Variants in VPS51 observed in about 807,000 individuals in gnomAD.
VPS51 encodes VPS51 subunit of GARP complex, also known as vacuolar protein sorting-associated protein 51 homolog.
A neutral mutation model predicts 65.1 loss-of-function variants in VPS51; 55 were observed. That is an observed-to-expected ratio of 0.84 (90% CI 0.68 to 1.06). The LOEUF (loss-of-function observed/expected upper bound fraction) is 1.06, where lower values mean the gene tolerates loss of function less well. Among genes scored for constraint, VPS51 ranks in the 50% least tolerant of loss-of-function variants. The probability of loss-of-function intolerance (pLI) is 0.00; values close to 1 mark genes in which losing one functional copy is unlikely to be tolerated. For synonymous variants in VPS51, 473 were observed against 489.5 expected (o/e 0.97, Z 0.44); for missense variants, 943 against 1,101.6 (o/e 0.86, Z 2.04).
In VPS51 at chr11:65,101,287, T is replaced by C. The variant is rs75479085; in HGVS notation, c.358+4160T>C. ...CCCAATTAAAAAGAAAACCAGGCAT[T>C]GAGCCAGATTTGGCCTGCAGGCTGT... On this transcript the variant is annotated intron_variant, in intron 2 of 9. Coordinates refer to ENST00000279281, the MANE Select transcript of VPS51 (RefSeq NM_013265.4). Among the ~76,000 whole-genome samples, 1,289 of 152,346 alleles carry C rather than the reference T, an allele frequency of 8.5e-3. 17 individuals are homozygous for C. Among genetic ancestry groups the C allele is most frequent in the African/African-American group, 0.03 (1,239 of 41,576 alleles).
Position 65,108,828 on chromosome 11 carries a change from A to G in VPS51, c.1357A>G (p.Ile453Val). ...GTTGCTGGCCAATGTGGCCAGCTCC[A>G]TCCTGAGCCACATTAAGGCCTCTCT... ...AELLANVASS[I>V]LSHIKASLAA... Residue 453 changes from isoleucine (I) to valine (V), a missense_variant, in exon 5 of 10, where the codon ATC (isoleucine) becomes GTC (valine). By Grantham distance (29) the Ile-to-Val change is conservative (BLOSUM62 3). Coordinates refer to ENST00000279281, the MANE Select transcript of VPS51 (RefSeq NM_013265.4). 1 of 1,612,952 alleles carries G rather than the reference A, an allele frequency of 6.2e-7. No individual in the cohort carries two copies. The highest frequency in any genetic ancestry group is 8.5e-7 in the Non-Finnish European group (1 of 1,180,006).
chr11:65,098,849 C>T (rs775467135), intron 2 of VPS51, among the ~76,000 whole-genome samples: 6 of 152,126 alleles, frequency 3.9e-5, no homozygotes, highest in Non-Finnish European at 5.9e-5. Flanking sequence ...AAGGAACAAA[C>T]GTTTGGAAAA....
rs368091737 is a variant in VPS51, at chr11:65,097,261, C to T, written c.358+134C>T. On this transcript the variant is annotated intron_variant, in intron 2 of 9. Transcript: ENST00000279281. ...TGTCCTGACATTATTCCATTCTCAC[C>T]TCCTTTCCTTTGAGCCTTCGTTGTC... 5,048 of 1,343,686 alleles carry T rather than the reference C, an allele frequency of 3.8e-3. 11 individuals are homozygous for T. The highest frequency in any genetic ancestry group is 4.7e-3 in the Non-Finnish European group (4,581 of 980,228). The allele number at this position is 1,343,686 out of a possible 1,614,324, so 83.2% of individuals were successfully genotyped here. A position where few individuals can be genotyped will look rare whatever the true frequency, so the allele number is the denominator to read the frequency against.
At position 65,108,395 on chromosome 11, in the gene VPS51, C is replaced by T; in HGVS notation, c.924C>T (p.Gly308=). Residue 308 remains glycine, a synonymous_variant, in exon 5 of 10, where the codon GGC becomes GGT. Coordinates refer to ENST00000279281, the MANE Select transcript of VPS51 (RefSeq NM_013265.4). The part of the protein sequence containing the change: ...PDVLEFTDHG[G]SGFVGGLCQV... ...TGTTAGAGTTCACCGACCATGGAGG[C>T]AGTGGCTTCGTGGGCGGCCTCTGCC... 1 of 1,612,292 alleles carries T rather than the reference C, an allele frequency of 6.2e-7. No individual in the cohort carries two copies. Among genetic ancestry groups the T allele is most frequent in the Non-Finnish European group, 8.5e-7 (1 of 1,179,700 alleles).
intron 6 of VPS51, 49 bp downstream of exon 6, chr11:65,109,544 C>A: frequency 1.3e-6 from 2 of 1,593,744 alleles, no homozygotes; most frequent in Non-Finnish European, 8.5e-7. Flanking sequence ...GCTGGGAATG[C>A]AGATGGCTGG....
Position 65,111,816 on chromosome 11 carries a change from C to T in VPS51, c.*229C>T. ...AGCGCCGATTGGCTGGTGTGCTGGG[C>T]CCAGCATGGGCAGGGGGCGGTTCCA... is the stretch of plus-strand genomic sequence containing the variant. On this transcript the variant is annotated 3_prime_UTR_variant, in exon 10 of 10. Coordinates refer to ENST00000279281, the MANE Select transcript of VPS51 (RefSeq NM_013265.4). 5.4e-6 allele frequency: 5 copies of T among 933,266 alleles called. No homozygotes were observed. The South Asian group carries it at 8.5e-5, about 16-fold the overall frequency. 57.8% of individuals were successfully genotyped at this position (933,266 alleles called of 1,614,324 possible).
At chr11:65,106,522 T>C (rs1327446870) in intron 2 of VPS51, among the ~76,000 whole-genome samples, 2 of 151,916 alleles carry the variant, frequency 1.3e-5, no homozygotes, top group Non-Finnish European at 2.9e-5. Context: ...GAGGCCAAGG[T>C]GGGCGGATCA....
intron 2 of VPS51, among the ~76,000 whole-genome samples, chr11:65,098,619 G>A (rs544410348): frequency 6.6e-6 from 1 of 152,188 alleles, no homozygotes; most frequent in South Asian, 2.1e-4. Flanking sequence ...TGTCACAGTG[G>A]TGGGTGTGGT....
intron 4 of VPS51, 33 bp from the exon 5 acceptor site, chr11:65,108,164 G>A (rs534118283): frequency 3.1e-6 from 5 of 1,587,558 alleles, no homozygotes; most frequent in Non-Finnish European, 4.3e-6. Flanking sequence ...CGGCAGCCCC[G>A]GCCCTGCCCT....
At chr11:65,098,813 C>T (rs1191627775) in intron 2 of VPS51, among the ~76,000 whole-genome samples, 1 of 152,202 alleles carries the variant, frequency 6.6e-6, no homozygotes, top group African/African-American at 2.4e-5. Flanking sequence ...TATTTTGAGA[C>T]TTAGCTCTTT....
In VPS51 at chr11:65,107,307, C is replaced by G. The variant is rs575600621; in HGVS notation, c.359-274C>G. The stretch of plus-strand genomic sequence containing the variant: ...CTGGCTAAGCACCTGCGGCCTGCTT[C>G]GGATCTGGACTAATTCTGAGGGCCG... On this transcript the variant is annotated intron_variant, in intron 2 of 9. Coordinates refer to ENST00000279281, the MANE Select transcript of VPS51 (RefSeq NM_013265.4). The surrounding 1 kb of genome is among the most constrained non-coding windows in gnomAD (Gnocchi z 4.0). 4.7e-5 allele frequency: 28 copies of G among 594,260 alleles called. No individual in the cohort carries two copies. Among genetic ancestry groups the G allele is most frequent in the Non-Finnish European group, 7.3e-5 (23 of 317,166 alleles). The allele number at this position is 594,260 out of a possible 1,614,324, so 36.8% of individuals were successfully genotyped here.
At chr11:65,109,961 C>T (rs1182656283) in intron 7 of VPS51, 38 bp downstream of exon 7, 4 of 1,541,794 alleles carry the variant, frequency 2.6e-6, no homozygotes, top group East Asian at 4.7e-5. Flanking sequence ...CTGACGCAGG[C>T]TGGGGGTACT....
chr11:65,110,029 G>A, intron 7 of VPS51, 106 bp downstream of exon 7: 3 of 1,215,600 alleles, frequency 2.5e-6, no homozygotes, highest in South Asian at 1.4e-5. Flanking sequence ...GCCTGGAGGA[G>A]GGGACATGTG....
chr11:65,108,879 A>G lies in VPS51; in HGVS notation c.1408A>G (p.Lys470Glu), dbSNP rs1405788525. The G allele has an allele frequency of 6.2e-7, 1 of 1,612,858 alleles. No individual in the cohort carries two copies. The highest frequency in any genetic ancestry group is 8.5e-7 in the Non-Finnish European group (1 of 1,180,008). Residue 470 changes from lysine to glutamate, a missense_variant, in exon 5 of 10, where the codon AAA becomes GAA. Transcript: ENST00000279281. Reference sequence around the variant, plus strand: ...GGCAGCAGTGCACCTTTTCACCGCCAAAGAGGTGTCCTTCTCCAACAAGCC... The same window carrying G: ...GGCAGCAGTGCACCTTTTCACCGCCGAAGAGGTGTCCTTCTCCAACAAGCC... ...SLAAVHLFTA[K>E]EVSFSNKPYF...
chr11:65,106,576 T>C (rs550530599), intron 2 of VPS51, among the ~76,000 whole-genome samples: 5 of 151,970 alleles, frequency 3.3e-5, no homozygotes, highest in South Asian at 2.1e-4. Context: ...ATGGTGAAAC[T>C]CCATCTCTAC....
Position 65,111,516 on chromosome 11 carries a change from G to C in VPS51, c.2278G>C (p.Ala760Pro). 6.2e-7 allele frequency: 1 copy of C among 1,613,250 alleles called. No homozygotes were observed. Among genetic ancestry groups the C allele is most frequent in the Non-Finnish European group, 8.5e-7 (1 of 1,180,030 alleles). ...HLLLDEVVAS[A>P]ALRCPDPVPM... ...GCTGCTGGACGAAGTGGTGGCCTCT[G>C]CTGCCCTGCGCTGCCCAGACCCTGT... is the stretch of plus-strand genomic sequence containing the variant. The change falls in exon 10 of 10, where the codon GCT (alanine) becomes CCT (proline). Residue 760 changes from alanine to proline, a missense_variant. This residue lies in a region of VPS51 where 88 missense variants were observed against 147.8 expected (regional missense o/e 0.60). Coordinates refer to ENST00000279281, the MANE Select transcript of VPS51 (RefSeq NM_013265.4).
At chr11:65,110,019 G>T in intron 7 of VPS51, 96 bp downstream of exon 7, 1 of 1,293,770 alleles carries the variant, frequency 7.7e-7, no homozygotes, top group South Asian at 1.4e-5. Flanking sequence ...GGCAGTCCCT[G>T]CCTGGAGGAG....
chr11:65,109,612 CTTGCCCAATCT>C (rs1947874506), intron 6 of VPS51, 82 bp from the exon 7 acceptor site: 4 of 1,512,608 alleles, frequency 2.6e-6, no homozygotes, highest in Non-Finnish European at 3.6e-6. Context: ...CAGCCTCCAC[CTTGCCCAATCT>C]GTGCCCAGCT....
At chr11:65,099,486 C>T (rs1347289564) in intron 2 of VPS51, among the ~76,000 whole-genome samples, 2 of 152,112 alleles carry the variant, frequency 1.3e-5, no homozygotes, top group Non-Finnish European at 2.9e-5. Context: ...ATAGATTCCT[C>T]CAGCTGCACT....
Sources: allele counts gnomAD v4.1 joint callset (sites outside exome capture counted in the v4.1 genomes callset), GRCh38; gene constraint gnomAD v4.1.1; regional missense constraint gnomAD v4.1.1; non-coding constraint Gnocchi (gnomAD v3.1); transcripts MANE v1.5; gene names NCBI Gene and HGNC (gene_info 2026-07-23, HGNC 2026-07-21).